The following NBEAL1 variants were observed in gnomAD, a reference collection of about 807,000 sequenced individuals.
NBEAL1 encodes neurobeachin like 1.
A neutral mutation model predicts 351.3 loss-of-function variants in NBEAL1; 273 were observed. The observed-to-expected ratio is 0.78, with a 90% CI of 0.70 to 0.86. The LOEUF is 0.86. NBEAL1 is among the 40% of genes least tolerant of loss of function. NBEAL1 has a pLI of 0.00. For synonymous variants in NBEAL1, 1,050 were observed against 1,086.4 expected, an observed-to-expected ratio of 0.97 and a Z score of 0.66; for missense variants, 2,961 against 3,201.3, an observed-to-expected ratio of 0.92 and a Z score of 1.81.
intron 6 of NBEAL1, among the ~76,000 whole-genome samples, chr2:203,066,351 C>T (rs2061586336): frequency 6.8e-6 from 1 of 146,752 alleles, no homozygotes; most frequent in Non-Finnish European, 1.5e-5. Flanking sequence ...CCATTTAAAC[C>T]TGAGTTGACA....
chr2:203,149,978 G>A (rs1240373694), intron 34 of NBEAL1, among the ~76,000 whole-genome samples: 1 of 152,068 alleles, frequency 6.6e-6, no homozygotes, highest in African/African-American at 2.4e-5. Context: ...TAGGCATTTG[G>A]ATTGTTTTCC....
chr2:203,034,510 G>T (rs1430528200), intron 2 of NBEAL1, among the ~76,000 whole-genome samples: 1 of 141,574 alleles, frequency 7.1e-6, no homozygotes, highest in Admixed American at 7.2e-5. Flanking sequence ...CCAGGCTGGA[G>T]TGCAATGGCA....
intron 7 of NBEAL1, among the ~76,000 whole-genome samples, chr2:203,075,727 T>C (rs2061759964): frequency 6.6e-6 from 1 of 152,240 alleles, no homozygotes; most frequent in South Asian, 2.1e-4. Context: ...GGTTCCTCCT[T>C]TCCATGTAGC....
At position 203,219,935 on chromosome 2, in the gene NBEAL1, A is replaced by G. The variant is rs1365115124; in HGVS notation, c.*2581A>G. 1 of 152,218 alleles carries G rather than the reference A, an allele frequency of 6.6e-6. No homozygotes were observed. Among genetic ancestry groups the G allele is most frequent in the Non-Finnish European group, 1.5e-5 (1 of 68,038 alleles). The allele number at this position is 152,218 out of a possible 1,614,324, so 9.4% of individuals were successfully genotyped here. ...CAACAGTCTAGAGAATGGAACTTAA[A>G]TTTTATCTGTTAAAAGAAGCAAACA... On this transcript the variant is annotated 3_prime_UTR_variant, in exon 56 of 56. Transcript: ENST00000683969.
chr2:203,086,412 C>A (rs1291669571), intron 10 of NBEAL1, among the ~76,000 whole-genome samples: 1 of 152,112 alleles, frequency 6.6e-6, no homozygotes, highest in Non-Finnish European at 1.5e-5. Context: ...CTTTAGATAT[C>A]ATCTATAATA....
chr2:203,168,564 C>G (rs937285083), intron 38 of NBEAL1, among the ~76,000 whole-genome samples: 4 of 151,912 alleles, frequency 2.6e-5, no homozygotes, highest in Non-Finnish European at 5.9e-5. Context: ...GCCTGGGCAA[C>G]AAGAGTGAAA....
intron 10 of NBEAL1, among the ~76,000 whole-genome samples, chr2:203,088,070 C>T (rs1307086184): frequency 6.6e-6 from 1 of 152,128 alleles, no homozygotes; most frequent in Non-Finnish European, 1.5e-5. Context: ...TTCATGTTTA[C>T]TCTATAGCTA....
At chr2:203,190,217 C>T in intron 45 of NBEAL1, 75 bp from the exon 46 acceptor site, 7 of 776,628 alleles carry the variant, frequency 9.0e-6, no homozygotes, top group Non-Finnish European at 1.5e-5. Context: ...CACCAATGAG[C>T]CTGATACATT....
chr2:203,100,080 G>C (rs1489750718), intron 12 of NBEAL1, among the ~76,000 whole-genome samples: 6 of 152,144 alleles, frequency 3.9e-5, no homozygotes, highest in African/African-American at 1.4e-4. Context: ...ATGAGGATAT[G>C]ATCTCCTTTG....
intron 15 of NBEAL1, among the ~76,000 whole-genome samples, chr2:203,111,367 GTTTT>G (rs554929476): frequency 6.6e-6 from 1 of 150,400 alleles, no homozygotes; most frequent in African/African-American, 2.4e-5. Context: ...ATTGTTTTGT[GTTTT>G]TTTTTGTTTT....
chr2:203,034,441 G>C (rs1345589718), intron 2 of NBEAL1, among the ~76,000 whole-genome samples: 2 of 145,220 alleles, frequency 1.4e-5, no homozygotes, highest in Non-Finnish European at 3.1e-5. Flanking sequence ...ACCTGTGTGA[G>C]TCACCACACC....
chr2:203,047,055 A>G (rs921142964), intron 3 of NBEAL1, among the ~76,000 whole-genome samples: 6 of 152,102 alleles, frequency 3.9e-5, no homozygotes, highest in Non-Finnish European at 7.4e-5. Context: ...GCTGACCAAC[A>G]TGGAGAAAAC....
In NBEAL1 at chr2:203,014,939, C is replaced by G. The variant is rs1287798906; in HGVS notation, c.-273C>G. 6.6e-6 allele frequency: 1 copy of G among 152,278 alleles called. No homozygotes were observed. The highest frequency in any genetic ancestry group is 2.4e-5 in the African/African-American group (1 of 41,456). The allele number at this position is 152,278 out of a possible 1,614,324, so 9.4% of individuals were successfully genotyped here. ...CGCCTTGGGAAGGGGTCGAGGGAAG[C>G]AGTTAGACGGCTGCCGGGCGGCGGC... On this transcript the variant is annotated 5_prime_UTR_variant, in exon 1 of 56. Coordinates refer to ENST00000683969, the MANE Select transcript of NBEAL1 (RefSeq NM_001378026.1).
At chr2:203,089,969 A>G (rs960005415) in intron 10 of NBEAL1, among the ~76,000 whole-genome samples, 3 of 152,230 alleles carry the variant, frequency 2.0e-5, no homozygotes, top group Non-Finnish European at 2.9e-5. Flanking sequence ...TTTGAGAAAA[A>G]TGTTTTAAAG....
intron 4 of NBEAL1, among the ~76,000 whole-genome samples, chr2:203,053,616 C>T (rs755471855): frequency 6.6e-6 from 1 of 151,966 alleles, no homozygotes; most frequent in African/African-American, 2.4e-5. Context: ...TCAAGTTATC[C>T]TCCTTCTTCA....
chr2:203,125,362 A>G lies in NBEAL1; in HGVS notation c.2693A>G (p.Asn898Ser). ...TAATTTTCCCTTTAGGATATCATAA[A>G]CTGCATAGGTGGGTTAAATGTACTC... ...VVNWDIKDII[N>S]CIGGLNVLFP... Residue 898 changes from asparagine (N) to serine (S), a missense_variant, in exon 20 of 56, where the codon AAC (asparagine) becomes AGC (serine). Asn to Ser is a conservative substitution (Grantham distance 46). Transcript: ENST00000683969. The G allele has an allele frequency of 1.3e-6, 2 of 1,512,610 alleles. 1 individual carries two copies. The highest frequency in any genetic ancestry group is 2.6e-5 in the South Asian group (2 of 75,958). 93.7% of individuals were successfully genotyped at this position (1,512,610 alleles called of 1,614,324 possible).
chr2:203,167,144 T>G lies in NBEAL1; in HGVS notation c.5864-83T>G, dbSNP rs1216829321. 17 of 1,316,798 alleles carry G rather than the reference T, an allele frequency of 1.3e-5. 1 individual carries two copies. The Admixed American group carries it at 3.4e-4, about 26-fold the overall frequency. The allele number at this position is 1,316,798 out of a possible 1,614,324, so 81.6% of individuals were successfully genotyped here. ...TTGAATTCCTTTTTCCTAAAACCTT[T>G]TGTCAAGAACTAAGAGGTATTTTCT... is the stretch of plus-strand genomic sequence containing the variant. On this transcript the variant is annotated intron_variant, in intron 37 of 55. Transcript: ENST00000683969.
rs1313986690 is a variant in NBEAL1 at position 203,128,285 on chromosome 2, T to C, written c.3405+348T>C. Among the ~76,000 whole-genome samples, 10 of 94,714 alleles carry C rather than the reference T, an allele frequency of 1.1e-4. No individual in the cohort carries two copies. In the East Asian group the frequency reaches 2.5e-3, roughly 23 times the overall value. The allele number at this position is 94,714 out of a possible 152,430, so 62.1% of individuals were successfully genotyped here. Reference sequence around the variant, plus strand: ...GCCTTTTTTTTTTTTTTTTTTTTTTTCCGGTAAAGACAGGGTTTCACCATG... The same window carrying C: ...GCCTTTTTTTTTTTTTTTTTTTTTTCCCGGTAAAGACAGGGTTTCACCATG... On this transcript the variant is annotated intron_variant, in intron 24 of 55. Coordinates refer to ENST00000683969, the MANE Select transcript of NBEAL1 (RefSeq NM_001378026.1).
At position 203,169,815 on chromosome 2, in the gene NBEAL1, A is replaced by T; in HGVS notation, c.6066A>T (p.Ser2022=). The change falls in exon 39 of 56, where the codon TCA becomes TCT. Residue 2022 remains serine, a synonymous_variant. Coordinates refer to ENST00000683969, the MANE Select transcript of NBEAL1 (RefSeq NM_001378026.1). ...HSPNSYYGSR[S]PQELFKASGL... The stretch of plus-strand genomic sequence containing the variant: ...CAAATAGTTATTATGGAAGCAGATC[A>T]CCACAGGAGTTATTCAAAGCATCAG... The T allele has an allele frequency of 6.2e-7, 1 of 1,609,558 alleles. No homozygotes were observed. Among genetic ancestry groups the T allele is most frequent in the African/African-American group, 1.3e-5 (1 of 74,862 alleles).
Sources: gnomAD v4.1 joint callset for allele counts (sites outside exome capture counted in the v4.1 genomes callset) on GRCh38, gnomAD v4.1.1 for gene constraint, MANE v1.5 for transcripts, NCBI Gene and HGNC (gene_info 2026-07-23, HGNC 2026-07-21) for gene names.